WDR7: variants seen among roughly 807,000 people sequenced by gnomAD.
The protein encoded by WDR7 is WD repeat-containing protein 7.
Under a neutral mutation model 169.4 loss-of-function variants are expected in WDR7, and 46 were observed. That is an observed-to-expected ratio of 0.27 (90% confidence interval 0.21 to 0.35). The LOEUF (loss-of-function observed/expected upper bound fraction) is 0.35. Among genes scored for constraint, WDR7 ranks in the 10% least tolerant of loss-of-function variants. The pLI is 1.00. For synonymous variants in WDR7, 612 were observed against 666.8 expected, an observed-to-expected ratio of 0.92 and a Z score of 1.27; for missense variants, 1,534 against 1,859.3, an observed-to-expected ratio of 0.83 and a Z score of 3.22.
chr18:56,834,991 C>T (rs895896431), intron 20 of WDR7, among the ~76,000 whole-genome samples: 2 of 152,108 alleles, frequency 1.3e-5, no homozygotes, highest in Non-Finnish European at 2.9e-5. Flanking sequence ...CTGAGCAGGC[C>T]CCAGTAAGAC....
chr18:56,752,600 G>T (rs1331756748), intron 14 of WDR7, among the ~76,000 whole-genome samples: 1 of 152,192 alleles, frequency 6.6e-6, no homozygotes, highest in East Asian at 1.9e-4. Flanking sequence ...GCAGCTGGGG[G>T]AATGAATGAA....
chr18:56,770,233 T>A (rs1378033045), intron 16 of WDR7, among the ~76,000 whole-genome samples: 1 of 152,228 alleles, frequency 6.6e-6, no homozygotes, highest in Non-Finnish European at 1.5e-5. Context: ...TTTAATTGGT[T>A]ATTATATGCT....
intron 2 of WDR7, among the ~76,000 whole-genome samples, chr18:56,678,502 CT>C (rs148069514): frequency 3.2e-4 from 49 of 151,626 alleles, no homozygotes; most frequent in African/African-American, 1.1e-3. Flanking sequence ...ACACTGTGGT[CT>C]TTTTTTTTTT....
At chr18:56,742,835 A>C (rs894712402) in intron 14 of WDR7, among the ~76,000 whole-genome samples, 1 of 152,120 alleles carries the variant, frequency 6.6e-6, no homozygotes, top group Non-Finnish European at 1.5e-5. Flanking sequence ...GGGAAGCAGG[A>C]AATACCACGT....
intron 26 of WDR7, among the ~76,000 whole-genome samples, chr18:57,004,678 G>A (rs569222386): frequency 9.9e-5 from 15 of 152,212 alleles, no homozygotes; most frequent in African/African-American, 3.1e-4. Context: ...GAGTGACACA[G>A]TAAATATACA....
At chr18:56,831,536 A>G (rs1792496187) in intron 20 of WDR7, among the ~76,000 whole-genome samples, 1 of 152,146 alleles carries the variant, frequency 6.6e-6, no homozygotes, top group African/African-American at 2.4e-5. Context: ...TTTATTTAAA[A>G]CATTCTGAAG....
At chr18:56,774,172 A>G (rs1485683196) in intron 16 of WDR7, among the ~76,000 whole-genome samples, 1 of 152,130 alleles carries the variant, frequency 6.6e-6, no homozygotes, top group Non-Finnish European at 1.5e-5. Flanking sequence ...TTTCTGTCCT[A>G]TAAATATTTT....
At chr18:56,700,252 CTTTT>C (rs1226348026) in intron 12 of WDR7, among the ~76,000 whole-genome samples, 2 of 67,238 alleles carry the variant, frequency 3.0e-5, no homozygotes, top group Non-Finnish European at 5.1e-5. Context: ...TTTTCATTTT[CTTTT>C]TTTTTTTTTT....
intron 22 of WDR7, among the ~76,000 whole-genome samples, chr18:56,930,241 A>T (rs576547382): frequency 6.6e-6 from 1 of 152,244 alleles, no homozygotes; most frequent in Non-Finnish European, 1.5e-5. Context: ...CATTAGAAAG[A>T]TTCCTTTTGA....
intron 12 of WDR7, among the ~76,000 whole-genome samples, chr18:56,697,672 T>C (rs531426957): frequency 2.0e-5 from 3 of 152,182 alleles, no homozygotes; most frequent in Non-Finnish European, 4.4e-5. Context: ...TTTATAGTAG[T>C]TATGTCCTAT....
rs143658360 is a variant in WDR7 at position 56,737,037 on chromosome 18, C to T, written c.1989+5440C>T. Among the ~76,000 whole-genome samples, 777 of 152,244 alleles carry T rather than the reference C, an allele frequency of 5.1e-3. 6 individuals are homozygous for T. Among genetic ancestry groups the T allele is most frequent in the South Asian group, 0.029 (138 of 4,824 alleles). ...TTCAGTGGAAGAGAATGAAAGTAGG[C>T]TGTGATTTCTGTTAAAAGGAAGGAA... On this transcript the variant is annotated intron_variant, in intron 14 of 27. Transcript: ENST00000254442.
intron 20 of WDR7, among the ~76,000 whole-genome samples, chr18:56,856,538 AAAAT>A (rs907428989): frequency 6.6e-5 from 10 of 152,192 alleles, no homozygotes; most frequent in African/African-American, 2.2e-4. Context: ...AGTCTTTAAA[AAAAT>A]AAATAAATAA....
chr18:56,815,238 AT>A (rs1241331585), intron 19 of WDR7, among the ~76,000 whole-genome samples: 5 of 152,146 alleles, frequency 3.3e-5, no homozygotes, highest in African/African-American at 1.2e-4. Flanking sequence ...TAATGGGGAA[AT>A]TTTTATATTA....
At chr18:56,735,133 G>C (rs562441926) in intron 14 of WDR7, among the ~76,000 whole-genome samples, 1 of 152,130 alleles carries the variant, frequency 6.6e-6, no homozygotes, top group African/African-American at 2.4e-5. Flanking sequence ...GAAATGAATT[G>C]TGAGGTTACT....
intron 19 of WDR7, among the ~76,000 whole-genome samples, chr18:56,815,446 T>G (rs914436099): frequency 6.6e-6 from 1 of 152,012 alleles, no homozygotes; most frequent in African/African-American, 2.4e-5. Flanking sequence ...GAATGGAAGC[T>G]TTTGGCCTCT....
intron 12 of WDR7, among the ~76,000 whole-genome samples, chr18:56,697,293 T>C (rs1340847116): frequency 6.6e-6 from 1 of 152,240 alleles, no homozygotes; most frequent in Non-Finnish European, 1.5e-5. Flanking sequence ...CTACAAGATA[T>C]CTCATTTCAA....
chr18:56,802,429 CT>C (rs2044691288), intron 19 of WDR7, among the ~76,000 whole-genome samples: 2 of 151,990 alleles, frequency 1.3e-5, no homozygotes, highest in African/African-American at 2.4e-5. Context: ...ATGATCTCGA[CT>C]CACTGCAAGC....
chr18:56,957,435 C>A (rs1050577092), intron 25 of WDR7: 1 of 144,886 alleles, frequency 6.9e-6, no homozygotes, highest in African/African-American at 2.6e-5. Flanking sequence ...TCTTCCTCTG[C>A]GAGAGTAAGA....
At chr18:56,754,347 GTATA>G (rs1196448512) in intron 14 of WDR7, among the ~76,000 whole-genome samples, 6 of 150,092 alleles carry the variant, frequency 4.0e-5, no homozygotes, top group Non-Finnish European at 8.9e-5. Context: ...ATATATGTGT[GTATA>G]TATGTGTGTG....
Sources: allele counts gnomAD v4.1 joint callset (sites outside exome capture counted in the v4.1 genomes callset), GRCh38; gene constraint gnomAD v4.1.1; transcripts MANE v1.5; gene names NCBI Gene and HGNC (gene_info 2026-07-23, HGNC 2026-07-21).